Variants in KCNJ15 observed in about 807,000 individuals in gnomAD.
KCNJ15 encodes the protein ATP-sensitive inward rectifier potassium channel 15.
Under a neutral mutation model 23.0 loss-of-function variants are expected in KCNJ15, and 14 were observed. The observed-to-expected ratio is 0.61, with a 90% CI of 0.40 to 0.95. The LOEUF (loss-of-function observed/expected upper bound fraction) is 0.95. Ranked by LOEUF, KCNJ15 falls within the 40% of genes least tolerant of loss-of-function variation. The pLI is 0.00. For missense variants in KCNJ15, 388 were observed against 461.8 expected (o/e 0.84, Z 1.46); for synonymous variants, 185 against 183.2 (o/e 1.01, Z -0.08).
chr21:38,236,413 A>T (rs972109187), intron 1 of KCNJ15, among the ~76,000 whole-genome samples: 4 of 152,350 alleles, frequency 2.6e-5, no homozygotes, highest in African/African-American at 7.2e-5. Flanking sequence ...ACCAGGGGGT[A>T]GGGGAGGAAG....
At chr21:38,264,802 G>A (rs1981292590) in intron 1 of KCNJ15, among the ~76,000 whole-genome samples, 1 of 152,212 alleles carries the variant, frequency 6.6e-6, no homozygotes. Flanking sequence ...TTATTAAGGA[G>A]TGACAAGAAA....
intron 1 of KCNJ15, among the ~76,000 whole-genome samples, chr21:38,292,153 G>A (rs1023254609): frequency 6.6e-6 from 1 of 152,158 alleles, no homozygotes; most frequent in Non-Finnish European, 1.5e-5. Flanking sequence ...TGCTCACCAG[G>A]TGCTCCATGT....
intron 1 of KCNJ15, among the ~76,000 whole-genome samples, chr21:38,233,757 A>G: frequency 6.6e-6 from 1 of 152,178 alleles, no homozygotes; most frequent in African/African-American, 2.4e-5. Context: ...TTAACTTATC[A>G]GAATGATGTG....
At chr21:38,266,328 C>T (rs868195969) in intron 1 of KCNJ15, among the ~76,000 whole-genome samples, 2 of 152,124 alleles carry the variant, frequency 1.3e-5, no homozygotes, top group African/African-American at 2.4e-5. Context: ...GTGATGTTCC[C>T]CTCCCTATGC....
rs1986068923 is a variant in KCNJ15, at chr21:38,306,716, A to G, written c.*6327A>G. 6.6e-6 allele frequency: 1 copy of G among 152,248 alleles called. No homozygotes were observed. The highest frequency in any genetic ancestry group is 1.5e-5 in the Non-Finnish European group (1 of 68,048). 9.4% of individuals were successfully genotyped at this position (152,248 alleles called of 1,614,324 possible). On this transcript the variant is annotated 3_prime_UTR_variant, in exon 3 of 3. Transcript: ENST00000398938. ...TTACGTAGCAGCCAGGAGAGGAAGG[A>G]TAGCAGCCGACTTGGATCCATTTTT...
In KCNJ15 at chr21:38,302,216, G is replaced by A. The variant is rs1985850749; in HGVS notation, c.*1827G>A. On this transcript the variant is annotated 3_prime_UTR_variant, in exon 3 of 3. Coordinates refer to ENST00000398938, the MANE Select transcript of KCNJ15 (RefSeq NM_170736.3). ...TAGTTCTATAAAAATATGAACATTG[G>A]GACTCAGAGAAAATGGGGAAAATAA... 6.6e-6 allele frequency: 1 copy of A among 152,164 alleles called. No individual in the cohort carries two copies. The highest frequency in any genetic ancestry group is 1.5e-5 in the Non-Finnish European group (1 of 68,018). The allele number at this position is 152,164 out of a possible 1,614,324, so 9.4% of individuals were successfully genotyped here.
rs1984432622 is a variant in KCNJ15, at chr21:38,290,153, T to C, written c.-116-6773T>C. 2.6e-5 allele frequency among the ~76,000 whole-genome samples: 4 copies of C among 152,352 alleles called. No homozygotes were observed. The Middle Eastern group carries it at 0.01, about 389-fold the overall frequency. On this transcript the variant is annotated intron_variant, in intron 1 of 2. Coordinates refer to ENST00000398938, the MANE Select transcript of KCNJ15 (RefSeq NM_170736.3). ...CTTTATGAAAATATTCAGTAAATGA[T>C]ACCTCTGGCTTATTCCAGTGCTCAG...
rs74502684 is a variant in KCNJ15 at position 38,274,827 on chromosome 21, T to C, written c.-117+17642T>C. On this transcript the variant is annotated intron_variant, in intron 1 of 2. Coordinates refer to ENST00000398938, the MANE Select transcript of KCNJ15 (RefSeq NM_170736.3). The stretch of plus-strand genomic sequence containing the variant: ...TCTTTTGCTGGAAAATCCTCTCCTC[T>C]TCTCTTTAATACAGGCAGCCTCTAA... Among the ~76,000 whole-genome samples, 1,031 of 152,280 alleles carry C rather than the reference T, an allele frequency of 6.8e-3. 8 individuals carry two copies. Among genetic ancestry groups the C allele is most frequent in the African/African-American group, 0.022 (922 of 41,544 alleles).
intron 1 of KCNJ15, among the ~76,000 whole-genome samples, chr21:38,288,591 A>C (rs1246363601): frequency 2.0e-5 from 3 of 147,388 alleles, no homozygotes; most frequent in African/African-American, 8.1e-5. Context: ...ATATTTATAA[A>C]ACATACTTTC....
intron 1 of KCNJ15, among the ~76,000 whole-genome samples, chr21:38,232,898 A>G (rs1312177104): frequency 6.6e-6 from 1 of 152,004 alleles, no homozygotes; most frequent in Non-Finnish European, 1.5e-5. Context: ...AGCTCCATGT[A>G]CACTTGAAAA....
At chr21:38,239,598 A>AAT (rs1225872313) in intron 1 of KCNJ15, among the ~76,000 whole-genome samples, 1 of 152,242 alleles carries the variant, frequency 6.6e-6, no homozygotes, top group African/African-American at 2.4e-5. Context: ...ACTAATTAGA[A>AAT]ATAATATACA....
chr21:38,273,148 T>A (rs1982280667), intron 1 of KCNJ15, among the ~76,000 whole-genome samples: 1 of 152,212 alleles, frequency 6.6e-6, no homozygotes, highest in Admixed American at 6.5e-5. Context: ...AGATTATATA[T>A]AGTATTATTC....
intron 1 of KCNJ15, among the ~76,000 whole-genome samples, chr21:38,277,685 A>G (rs1284818837): frequency 6.6e-6 from 1 of 151,974 alleles, no homozygotes; most frequent in South Asian, 2.1e-4. Flanking sequence ...TTCTTAACTC[A>G]GAAGATTTCA....
Position 38,277,988 on chromosome 21 carries a change from G to T in KCNJ15, c.-116-18938G>T, listed in dbSNP as rs143509285. Among the ~76,000 whole-genome samples, 156 of 152,274 alleles carry T rather than the reference G, an allele frequency of 1.0e-3. 3 individuals are homozygous for T. In the East Asian group the frequency reaches 0.025, roughly 24 times the overall value. On this transcript the variant is annotated intron_variant, in intron 1 of 2. Transcript: ENST00000398938. ...ACATGGCCCAACCCCTGCCCTCAAAGAACTTCTAGGGAACACTGACTTTGC... is the reference window on the plus strand; with the variant it reads ...ACATGGCCCAACCCCTGCCCTCAAATAACTTCTAGGGAACACTGACTTTGC...
intron 1 of KCNJ15, among the ~76,000 whole-genome samples, chr21:38,282,154 G>A (rs1287002853): frequency 6.6e-6 from 1 of 151,992 alleles, no homozygotes; most frequent in Non-Finnish European, 1.5e-5. Flanking sequence ...AGTTCACCAT[G>A]GATTCATTTT....
At position 38,289,562 on chromosome 21, in the gene KCNJ15, A is replaced by G. The variant is rs372052690; in HGVS notation, c.-116-7364A>G. 1.7e-4 allele frequency among the ~76,000 whole-genome samples: 26 copies of G among 152,088 alleles called. No homozygotes were observed. The East Asian group carries it at 4.1e-3, about 24-fold the overall frequency. On this transcript the variant is annotated intron_variant, in intron 1 of 2. Transcript: ENST00000398938. ...AGCCTGGCCAACATGGTGAAACCCC[A>G]TCTCTACTAAAAATACAAAAATTAG...
Position 38,281,769 on chromosome 21 carries a change from C to T in KCNJ15, c.-116-15157C>T, listed in dbSNP as rs946709278. On this transcript the variant is annotated intron_variant, in intron 1 of 2. Coordinates refer to ENST00000398938, the MANE Select transcript of KCNJ15 (RefSeq NM_170736.3). ...GTCTTTTGGTAGAATGATATAGTTT[C>T]CTTTGGGAATACACCCAGTAATGGG... 2.0e-5 allele frequency among the ~76,000 whole-genome samples: 3 copies of T among 152,238 alleles called. No homozygotes were observed. The South Asian group carries it at 6.2e-4, about 32-fold the overall frequency.
At chr21:38,271,960 G>A (rs568266523) in intron 1 of KCNJ15, among the ~76,000 whole-genome samples, 5 of 152,158 alleles carry the variant, frequency 3.3e-5, no homozygotes, top group Non-Finnish European at 5.9e-5. Context: ...CAAAACCTGC[G>A]ATCCGGTGCC....
Position 38,306,539 on chromosome 21 carries a change from GC to G in KCNJ15, c.*6151del, listed in dbSNP as rs1986063096. 1 of 152,180 alleles carries G rather than the reference GC, an allele frequency of 6.6e-6. No homozygotes were observed. The highest frequency in any genetic ancestry group is 1.5e-5 in the Non-Finnish European group (1 of 68,034). The allele number at this position is 152,180 out of a possible 1,614,324, so 9.4% of individuals were successfully genotyped here. ...ATTTTTTTCATTCACTGTAGTTTTA[GC>G]TGTATTCTTTCATCTGCAATCAAAT... is the stretch of plus-strand genomic sequence containing the variant. On this transcript the variant is annotated 3_prime_UTR_variant, in exon 3 of 3. Transcript: ENST00000398938.
Sources: gnomAD v4.1 joint callset for allele counts (sites outside exome capture counted in the v4.1 genomes callset) on GRCh38, gnomAD v4.1.1 for gene constraint, MANE v1.5 for transcripts, NCBI Gene and HGNC (gene_info 2026-07-23, HGNC 2026-07-21) for gene names.